Variants in MYO7A observed in about 807,000 individuals in gnomAD.
The protein encoded by MYO7A is unconventional myosin-VIIa.
Under a neutral mutation model 263.8 loss-of-function variants are expected in MYO7A, and 210 were observed. The ratio of observed to expected loss-of-function variants is 0.80; its 90% CI spans 0.71 to 0.89. MYO7A has a LOEUF of 0.89. Among genes scored for constraint, MYO7A ranks in the 40% least tolerant of loss-of-function variants. MYO7A has a pLI of 0.00. For synonymous variants in MYO7A, 1,239 were observed against 1,197.3 expected, an observed-to-expected ratio of 1.03 and a Z score of -0.72; for missense variants, 2,820 against 2,968.3, an observed-to-expected ratio of 0.95 and a Z score of 1.16.
At chr11:77,173,254 C>A (rs1555077740) in intron 16 of MYO7A, among the ~76,000 whole-genome samples, 1 of 152,244 alleles carries the variant, frequency 6.6e-6, no homozygotes, top group African/African-American at 2.4e-5. Context: ...CCACACCCAG[C>A]AAGTGCCCAG....
Position 77,211,928 on chromosome 11 carries a change from C to G in MYO7A, c.6345C>G (p.Phe2115Leu). The G allele has an allele frequency of 6.2e-7, 1 of 1,613,378 alleles. No individual in the cohort carries two copies. The highest frequency in any genetic ancestry group is 8.5e-7 in the Non-Finnish European group (1 of 1,179,436). ...FKWPTFGSAF[F>L]EVKQTTEPNF... The stretch of plus-strand genomic sequence containing the variant: ...GGCCCACCTTTGGCTCAGCCTTCTT[C>G]GAGGTGAAGGTACACCATGGGCTTC... Residue 2115 changes from phenylalanine to leucine, a missense_variant, in exon 46 of 49, where the codon TTC (phenylalanine) becomes TTG (leucine). Coordinates refer to ENST00000409709, the MANE Select transcript of MYO7A (RefSeq NM_000260.4).
rs1956845564 is a variant in MYO7A at position 77,198,589 on chromosome 11, C to T, written c.4536C>T (p.Ser1512=). 2 of 1,613,888 alleles carry T rather than the reference C, an allele frequency of 1.2e-6. No individual in the cohort carries two copies. Among genetic ancestry groups the T allele is most frequent in the Non-Finnish European group, 1.7e-6 (2 of 1,179,880 alleles). Reference sequence around the variant, plus strand: ...AGGAGCAGGTACTTCTGGAGCTGTCCTTCCCAGAGATCATGGCCGTGTCCA... The same window carrying T: ...AGGAGCAGGTACTTCTGGAGCTGTCTTTCCCAGAGATCATGGCCGTGTCCA... The part of the protein sequence containing the change: ...DEQEQVLLEL[S]FPEIMAVSSS... Residue 1512 remains serine, a synonymous_variant, in exon 34 of 49, where the codon TCC becomes TCT. Coordinates refer to ENST00000409709, the MANE Select transcript of MYO7A (RefSeq NM_000260.4).
chr11:77,192,903 G>GTTT (rs1409707414), intron 31 of MYO7A, among the ~76,000 whole-genome samples: 9 of 92,408 alleles, frequency 9.7e-5, no homozygotes, highest in African/African-American at 5.3e-4. Flanking sequence ...TGATGGTGTT[G>GTTT]GTGATGGTGG....
intron 41 of MYO7A, 100 bp downstream of exon 41, chr11:77,206,302 C>T (rs1403612060): frequency 2.3e-6 from 2 of 856,672 alleles, no homozygotes; most frequent in Middle Eastern, 2.3e-4. Context: ...CATCACCTGA[C>T]ATTTGCCGCC....
chr11:77,141,127 T>G (rs1441143416), intron 2 of MYO7A, among the ~76,000 whole-genome samples: 1 of 152,216 alleles, frequency 6.6e-6, no homozygotes, highest in Non-Finnish European at 1.5e-5. Flanking sequence ...AGCCTAGGTG[T>G]GTAGTGGGCT....
At position 77,147,804 on chromosome 11, in the gene MYO7A, TG is replaced by T; in HGVS notation, c.141del (p.Trp47Ter). Reference protein sequence around the residue: ...QVVDDEDNEHWISPQNATHIK... With the variant: ...QVVDDEDNEHXISPQNATHIK... ...ACGTTCTGGCTCCCCGCAGGAACAC[TG>T]GATCTCTCCGCAGAACGCAACGCAC... is the stretch of plus-strand genomic sequence containing the variant. On this transcript the variant is annotated frameshift_variant, in exon 4 of 49. Coordinates refer to ENST00000409709, the MANE Select transcript of MYO7A (RefSeq NM_000260.4). LOFTEE classifies it high-confidence loss of function. 1 of 1,609,618 alleles carries T rather than the reference TG, an allele frequency of 6.2e-7. No homozygotes were observed. The highest frequency in any genetic ancestry group is 8.5e-7 in the Non-Finnish European group (1 of 1,178,504).
chr11:77,140,047 G>C (rs1303357441), intron 2 of MYO7A, among the ~76,000 whole-genome samples: 1 of 152,214 alleles, frequency 6.6e-6, no homozygotes, highest in South Asian at 2.1e-4. Context: ...AGTAAGAAGA[G>C]TTGTAGTCAT....
intron 37 of MYO7A, among the ~76,000 whole-genome samples, chr11:77,202,795 C>G (rs1957160881): frequency 6.6e-6 from 1 of 150,836 alleles, no homozygotes; most frequent in Admixed American, 6.6e-5. Flanking sequence ...GCACTGAGCT[C>G]TACAGGGGGC....
Position 77,214,095 on chromosome 11 carries a change from AG to A in MYO7A, c.6558+119del. ...GCGGCTGGGCCTGGGGTCGTGGGCA[AG>A]GGTCATGCTGGGGCCAAGGTCAGGT... On this transcript the variant is annotated intron_variant, in intron 48 of 48. Transcript: ENST00000409709. The A allele has an allele frequency of 4.2e-6, 6 of 1,436,828 alleles. No homozygotes were observed. In the South Asian group the frequency reaches 7.7e-5, roughly 19 times the overall value. The allele number at this position is 1,436,828 out of a possible 1,614,324, so 89.0% of individuals were successfully genotyped here. A position where few individuals can be genotyped will look rare whatever the true frequency, so the allele number is the denominator to read the frequency against.
intron 4 of MYO7A, among the ~76,000 whole-genome samples, 181 bp downstream of exon 4, chr11:77,148,131 C>T (rs952936549): frequency 6.6e-6 from 1 of 152,198 alleles, no homozygotes; most frequent in Non-Finnish European, 1.5e-5. Context: ...GGCAGCCGCT[C>T]GGCGGGGTCT....
chr11:77,171,455 C>G (rs1370142765), intron 15 of MYO7A, among the ~76,000 whole-genome samples: 1 of 152,170 alleles, frequency 6.6e-6, no homozygotes, highest in Non-Finnish European at 1.5e-5. Flanking sequence ...TGGGCAAAGT[C>G]CTAGAATATA....
At chr11:77,170,531 G>T (rs541327126) in intron 15 of MYO7A, among the ~76,000 whole-genome samples, 2 of 152,312 alleles carry the variant, frequency 1.3e-5, no homozygotes, top group African/African-American at 4.8e-5. Context: ...GTGGGGAAAG[G>T]ATGTGATTTT....
At chr11:77,140,476 A>G (rs1555049953) in intron 2 of MYO7A, among the ~76,000 whole-genome samples, 1 of 152,164 alleles carries the variant, frequency 6.6e-6, no homozygotes, top group African/African-American at 2.4e-5. Flanking sequence ...TTGAGGAGAG[A>G]AATTGGAGAC....
intron 20 of MYO7A, 137 bp downstream of exon 20, chr11:77,179,266 T>G: frequency 1.4e-6 from 1 of 705,976 alleles, no homozygotes; most frequent in South Asian, 1.9e-5. Flanking sequence ...GGCCAGCCAC[T>G]ACCATTCCTC....
chr11:77,175,714 C>T (rs565007199), intron 18 of MYO7A, among the ~76,000 whole-genome samples: 3 of 152,336 alleles, frequency 2.0e-5, no homozygotes, highest in South Asian at 2.1e-4. Flanking sequence ...ATGCCAGGGG[C>T]GGGCTGGCTG....
chr11:77,146,965 G>A (rs868993465), intron 3 of MYO7A, among the ~76,000 whole-genome samples: 1 of 152,236 alleles, frequency 6.6e-6, no homozygotes, highest in Middle Eastern at 3.4e-3. Context: ...CCACCACAAG[G>A]CAGCTGGGGA....
At chr11:77,193,733 G>T (rs1334278110) in intron 31 of MYO7A, among the ~76,000 whole-genome samples, 1 of 152,176 alleles carries the variant, frequency 6.6e-6, no homozygotes, top group African/African-American at 2.4e-5. Flanking sequence ...TGCCCTTGCT[G>T]CTGGAGCCCT....
At chr11:77,148,053 GC>G (rs1951710456) in intron 4 of MYO7A, 103 bp downstream of exon 4, 1 of 1,108,464 alleles carries the variant, frequency 9.0e-7, no homozygotes, top group Non-Finnish European at 1.2e-6. Flanking sequence ...CCCTGCCGGG[GC>G]CCTGCCTCCT....
intron 44 of MYO7A, among the ~76,000 whole-genome samples, chr11:77,210,111 T>C (rs1957763172): frequency 6.6e-6 from 1 of 152,256 alleles, no homozygotes; most frequent in Admixed American, 6.5e-5. Context: ...CCTTGTTATA[T>C]TCTCTTACAG....
Sources: allele counts gnomAD v4.1 joint callset (sites outside exome capture counted in the v4.1 genomes callset), GRCh38; gene constraint gnomAD v4.1.1; transcripts MANE v1.5; gene names NCBI Gene and HGNC (gene_info 2026-07-23, HGNC 2026-07-21).